The following PDE1C variants were observed in gnomAD, a reference collection of about 807,000 sequenced individuals.
PDE1C encodes dual specificity calcium/calmodulin-dependent 3',5'-cyclic nucleotide phosphodiesterase 1C.
PDE1C carries 62 observed loss-of-function variants against 93.1 expected under a neutral mutation model. The observed-to-expected ratio is 0.67, with a 90% CI of 0.54 to 0.82. PDE1C has a LOEUF of 0.82. PDE1C is among the 40% of genes least tolerant of loss of function. The pLI, the probability that PDE1C is intolerant of heterozygous loss-of-function variation, is 0.00. For missense variants in PDE1C, 742 were observed against 884.6 expected, an observed-to-expected ratio of 0.84 and a Z score of 2.04; for synonymous variants, 325 against 310.1, an observed-to-expected ratio of 1.05 and a Z score of -0.50.
chr7:32,143,099 T>C (rs2128782053), intron 3 of PDE1C, among the ~76,000 whole-genome samples: 1 of 151,908 alleles, frequency 6.6e-6, no homozygotes, highest in Non-Finnish European at 1.5e-5. Context: ...CAGCAGGGCA[T>C]GGTCAACAGC....
chr7:31,684,850 G>A, the PDE1C span, among the ~76,000 whole-genome samples: 1 of 152,178 alleles, frequency 6.6e-6, no homozygotes, highest in Non-Finnish European at 1.5e-5. Context: ...CCGCTTTGGT[G>A]TTATTGTAAA....
At chr7:31,620,295 A>C in the PDE1C span, among the ~76,000 whole-genome samples, 3 of 152,136 alleles carry the variant, frequency 2.0e-5, no homozygotes, top group African/African-American at 4.8e-5. Flanking sequence ...GAGAACGGGC[A>C]GACTGCCTCC....
At position 32,116,079 on chromosome 7, in the gene PDE1C, C is replaced by T. The variant is rs148656660; in HGVS notation, c.308+53706G>A. Among the ~76,000 whole-genome samples, 1,112 of 152,258 alleles carry T rather than the reference C, an allele frequency of 7.3e-3. 12 individuals are homozygous for T. The highest frequency in any genetic ancestry group is 0.042 in the East Asian group (218 of 5,186). ...TTAAAAAGAATTTTCTTAGACCAAGCCCTTAAGATTCCTAAAACATTAGAA... is the reference window on the plus strand; with the variant it reads ...TTAAAAAGAATTTTCTTAGACCAAGTCCTTAAGATTCCTAAAACATTAGAA... On this transcript the variant is annotated intron_variant, in intron 3 of 18. Coordinates refer to the PDE1C transcript ENST00000396193.
the PDE1C span, chr7:31,695,942 A>C: frequency 5.6e-6 from 1 of 179,666 alleles, no homozygotes; most frequent in Non-Finnish European, 1.2e-5. Context: ...CATGGTGAGC[A>C]AAGTCACCAC....
intron 7 of PDE1C, among the ~76,000 whole-genome samples, chr7:31,858,058 G>A (rs1045983633): frequency 8.5e-5 from 13 of 152,134 alleles, no homozygotes; most frequent in Non-Finnish European, 1.9e-4. Flanking sequence ...TTAAAATACC[G>A]AAAGACTGGA....
chr7:32,074,275 T>C (rs958948283), upstream of PDE1C, among the ~76,000 whole-genome samples: 4 of 152,188 alleles, frequency 2.6e-5, no homozygotes, highest in African/African-American at 9.7e-5. Flanking sequence ...CCTGGTCTCT[T>C]TCATTGCTAA....
intron 1 of PDE1C, among the ~76,000 whole-genome samples, chr7:32,309,346 C>T (rs928297229): frequency 2.0e-5 from 3 of 152,178 alleles, no homozygotes; most frequent in African/African-American, 7.2e-5. Context: ...TCCAGGAGAA[C>T]TTCCCCAGTC....
chr7:31,823,709 CAT>C (rs965130800), intron 13 of PDE1C, among the ~76,000 whole-genome samples: 4 of 152,130 alleles, frequency 2.6e-5, no homozygotes, highest in African/African-American at 9.7e-5. Context: ...CTGATCCCAG[CAT>C]ACCCAAGTCC....
downstream of PDE1C, among the ~76,000 whole-genome samples, chr7:31,747,643 G>C (rs1794034089): frequency 6.6e-6 from 1 of 152,122 alleles, no homozygotes; most frequent in African/African-American, 2.4e-5. Context: ...ACTTACATCA[G>C]TCTCCCTGAA....
intron 1 of PDE1C, among the ~76,000 whole-genome samples, chr7:32,414,180 T>C (rs1464702923): frequency 6.7e-6 from 1 of 148,276 alleles, no homozygotes; most frequent in Non-Finnish European, 1.5e-5. Context: ...TCCACTGCAC[T>C]CCAGCCTGGG....
chr7:31,656,776 T>C, the PDE1C span, among the ~76,000 whole-genome samples: 236 of 152,280 alleles, frequency 1.5e-3, 1 homozygote, highest in South Asian at 3.7e-3. Flanking sequence ...TTTATTATTT[T>C]CTGATGAAGA....
chr7:32,356,256 C>T (rs1332842339), intron 1 of PDE1C, among the ~76,000 whole-genome samples: 1 of 152,206 alleles, frequency 6.6e-6, no homozygotes, highest in Non-Finnish European at 1.5e-5. Context: ...ATCTAGGAAA[C>T]TGGTTCACTG....
rs953589883 is a variant in PDE1C at position 32,390,380 on chromosome 7, G to A, written c.310+37442C>T. On this transcript the variant is annotated intron_variant, in intron 1 of 1. Coordinates refer to the PDE1C transcript ENST00000672256. ...TTTTACAATGTCTGGAGACATTTAC[G>A]GTTGTCACAACCTGGGGGCGCTACT... Among the ~76,000 whole-genome samples the A allele has an allele frequency of 2.9e-4, 44 of 152,056 alleles. 2 individuals carry two copies. Among genetic ancestry groups the A allele is most frequent in the African/African-American group, 7.7e-4 (32 of 41,466 alleles).
At chr7:32,189,318 ATT>A (rs1296837213) in intron 2 of PDE1C, among the ~76,000 whole-genome samples, 9 of 152,210 alleles carry the variant, frequency 5.9e-5, no homozygotes, top group Non-Finnish European at 1.5e-5. Context: ...CTTGACAAAC[ATT>A]TTCTTCATGG....
intron 2 of PDE1C, among the ~76,000 whole-genome samples, chr7:31,958,741 G>A (rs1808496563): frequency 6.6e-6 from 1 of 152,080 alleles, no homozygotes; most frequent in Admixed American, 6.6e-5. Flanking sequence ...AGGCATATTA[G>A]ATGACTTTCC....
chr7:32,245,968 CTTT>C (rs369247468), intron 1 of PDE1C, among the ~76,000 whole-genome samples: 4 of 94,804 alleles, frequency 4.2e-5, no homozygotes, highest in Non-Finnish European at 4.3e-5. Flanking sequence ...TTTTTCTTTT[CTTT>C]TTTTTTTTTT....
intron 7 of PDE1C, among the ~76,000 whole-genome samples, chr7:31,861,423 A>G (rs939494148): frequency 7.9e-5 from 12 of 151,710 alleles, no homozygotes; most frequent in Non-Finnish European, 1.8e-4. Context: ...CCTAATCTAC[A>G]TGTTTATCCC....
chr7:32,144,681 G>A (rs559606770), intron 3 of PDE1C, among the ~76,000 whole-genome samples: 42 of 152,214 alleles, frequency 2.8e-4, no homozygotes, highest in East Asian at 5.8e-4. Context: ...ATAGAAGTAC[G>A]GAAGGCAGGT....
At chr7:31,799,568 A>G (rs1203649853) in intron 16 of PDE1C, among the ~76,000 whole-genome samples, 1 of 151,744 alleles carries the variant, frequency 6.6e-6, no homozygotes, top group Non-Finnish European at 1.5e-5. Context: ...TAAAAAATTA[A>G]AAAAGAAAAA....
Sources: gnomAD v4.1 joint callset for allele counts (sites outside exome capture counted in the v4.1 genomes callset) on GRCh38, gnomAD v4.1.1 for gene constraint, MANE v1.5 for transcripts, NCBI Gene and HGNC (gene_info 2026-07-23, HGNC 2026-07-21) for gene names.